The following SDK1 variants were observed in gnomAD, a reference collection of about 807,000 sequenced individuals.
SDK1 encodes sidekick cell adhesion molecule 1.
Under a neutral mutation model 245.5 loss-of-function variants are expected in SDK1, and 157 were observed. That is an observed-to-expected ratio of 0.64 (90% CI 0.56 to 0.73). The LOEUF is 0.73. Ranked by LOEUF, SDK1 falls within the 30% of genes least tolerant of loss-of-function variation. SDK1 has a pLI of 0.00. For synonymous variants in SDK1, 1,647 were observed against 1,278.5 expected (o/e 1.29, Z -6.15); for missense variants, 3,583 against 3,002.3 (o/e 1.19, Z -4.52).
chr7:3,568,536 C>A (rs563534784), intron 1 of SDK1, among the ~76,000 whole-genome samples: 1 of 152,318 alleles, frequency 6.6e-6, no homozygotes, highest in African/African-American at 2.4e-5. Context: ...TTCCCTCCTT[C>A]CCCCTTGGTA....
chr7:4,218,101 C>G (rs1405735746), intron 38 of SDK1, among the ~76,000 whole-genome samples: 1 of 152,146 alleles, frequency 6.6e-6, no homozygotes, highest in Non-Finnish European at 1.5e-5. Flanking sequence ...TGGAGGGTCA[C>G]CCAAAAGTAG....
chr7:3,489,456 A>T lies in SDK1; in HGVS notation c.299-129624A>T, dbSNP rs184661103. On this transcript the variant is annotated intron_variant, in intron 1 of 44. Coordinates refer to ENST00000404826, the MANE Select transcript of SDK1 (RefSeq NM_152744.4). Reference sequence around the variant, plus strand: ...TCCTGTTAGTATATCAGATATATATATTTTTACCATTTTCTTTATAATTCA... The same window carrying T: ...TCCTGTTAGTATATCAGATATATATTTTTTTACCATTTTCTTTATAATTCA... Among the ~76,000 whole-genome samples the T allele has an allele frequency of 6.8e-4, 104 of 152,292 alleles. 1 individual carries two copies. Among genetic ancestry groups the T allele is most frequent in the South Asian group, 1.5e-3 (7 of 4,816 alleles).
At chr7:3,653,675 C>A (rs1333343833) in intron 4 of SDK1, among the ~76,000 whole-genome samples, 1 of 152,108 alleles carries the variant, frequency 6.6e-6, no homozygotes, top group South Asian at 2.1e-4. Context: ...CTCAGAGGAA[C>A]TGGGATTTGG....
At chr7:3,672,590 T>G (rs945847709) in intron 4 of SDK1, among the ~76,000 whole-genome samples, 2 of 141,184 alleles carry the variant, frequency 1.4e-5, no homozygotes, top group Non-Finnish European at 3.0e-5. Context: ...GAAATATATA[T>G]ATATAATATA....
chr7:3,312,871 C>T (rs114662830), intron 1 of SDK1, among the ~76,000 whole-genome samples: 2,449 of 152,194 alleles, frequency 0.016, 59 homozygotes, highest in African/African-American at 0.05. Flanking sequence ...TCTGCCTGAG[C>T]TCTTAGTTTC....
intron 4 of SDK1, among the ~76,000 whole-genome samples, chr7:3,648,376 A>G (rs896060945): frequency 6.6e-6 from 1 of 152,214 alleles, no homozygotes; most frequent in Admixed American, 6.5e-5. Flanking sequence ...ATGTGCAAGC[A>G]CAAGTATTCT....
intron 17 of SDK1, among the ~76,000 whole-genome samples, chr7:4,038,125 G>A (rs1315225192): frequency 6.6e-6 from 1 of 152,166 alleles, no homozygotes; most frequent in Non-Finnish European, 1.5e-5. Flanking sequence ...GGGTCATCCT[G>A]TGGCTAACGG....
intron 1 of SDK1, among the ~76,000 whole-genome samples, chr7:3,555,868 A>G (rs1379843572): frequency 6.6e-6 from 1 of 152,218 alleles, no homozygotes. Flanking sequence ...ACAACAAGGT[A>G]TCATCTCACT....
At chr7:3,691,644 A>C (rs1338673155) in intron 4 of SDK1, among the ~76,000 whole-genome samples, 2 of 142,562 alleles carry the variant, frequency 1.4e-5, no homozygotes, top group Non-Finnish European at 3.1e-5. Flanking sequence ...AACTGATATT[A>C]TTGATTTTTC....
rs1162979240 is a variant in SDK1 at position 4,005,039 on chromosome 7, C to CTTTTTTT, written c.2132-5908_2132-5902dup. Reference sequence around the variant, plus strand: ...TCTGGTGTTTAATTGGTTCCTGCACCTTTTTTTTTTTTTTTTTTTTTTTTT... The same window carrying CTTTTTTT: ...TCTGGTGTTTAATTGGTTCCTGCACCTTTTTTTTTTTTTTTTTTTTTTTTTTTTTTTT... On this transcript the variant is annotated intron_variant, in intron 14 of 44. Coordinates refer to ENST00000404826, the MANE Select transcript of SDK1 (RefSeq NM_152744.4). 6.6e-4 allele frequency among the ~76,000 whole-genome samples: 60 copies of CTTTTTTT among 91,000 alleles called. 3 individuals are homozygous for CTTTTTTT. Among genetic ancestry groups the CTTTTTTT allele is most frequent in the African/African-American group, 2.0e-3 (44 of 21,766 alleles). 59.7% of individuals were successfully genotyped at this position (91,000 alleles called of 152,430 possible).
At chr7:3,383,243 T>G (rs1781532996) in intron 1 of SDK1, among the ~76,000 whole-genome samples, 1 of 152,146 alleles carries the variant, frequency 6.6e-6, no homozygotes, top group African/African-American at 2.4e-5. Context: ...ACCCTGTCAC[T>G]ACCAAAACAT....
chr7:3,345,499 G>C (rs960642411), intron 1 of SDK1, among the ~76,000 whole-genome samples: 16 of 152,096 alleles, frequency 1.1e-4, no homozygotes, highest in Non-Finnish European at 2.9e-5. Context: ...CTTACAATAA[G>C]CATGATTTGC....
rs766625515 is a variant in SDK1, at chr7:3,967,432, G to C, written c.1544G>C (p.Arg515Thr). Residue 515 changes from arginine (R) to threonine (T), a missense_variant and splice_region_variant, in exon 10 of 45, where the codon AGA (arginine) becomes ACA (threonine). Arg to Thr is a moderately conservative substitution (Grantham distance 71). Coordinates refer to ENST00000404826, the MANE Select transcript of SDK1 (RefSeq NM_152744.4). ...GAPKPAITWK[R>T]ENHILASGSV... ...CCCAAACCCGCCATCACCTGGAAAA[G>C]AGGTGGGTAGCATCCACTGCCCACA... 1.3e-6 allele frequency: 2 copies of C among 1,599,558 alleles called. No individual in the cohort carries two copies. The highest frequency in any genetic ancestry group is 2.2e-5 in the South Asian group (2 of 90,798).
At chr7:4,122,214 G>A (rs904911494) in intron 25 of SDK1, among the ~76,000 whole-genome samples, 1 of 152,152 alleles carries the variant, frequency 6.6e-6, no homozygotes, top group Non-Finnish European at 1.5e-5. Context: ...GACTGGCAAG[G>A]CCCTCCCAGG....
At chr7:3,595,282 A>G (rs946236320) in intron 1 of SDK1, among the ~76,000 whole-genome samples, 1 of 151,946 alleles carries the variant, frequency 6.6e-6, no homozygotes, top group African/African-American at 2.4e-5. Flanking sequence ...TCGTAACTTT[A>G]TGATATTTTG....
At chr7:3,818,616 G>C (rs1357677457) in intron 4 of SDK1, among the ~76,000 whole-genome samples, 1 of 152,156 alleles carries the variant, frequency 6.6e-6, no homozygotes, top group South Asian at 2.1e-4. Flanking sequence ...ATCTGTATTG[G>C]AGTGTTTTGA....
intron 1 of SDK1, among the ~76,000 whole-genome samples, chr7:3,372,335 A>G (rs1781249034): frequency 6.6e-6 from 1 of 152,216 alleles, no homozygotes; most frequent in African/African-American, 2.4e-5. Context: ...GGGTCATCCA[A>G]CAGAAAATGT....
intron 1 of SDK1, among the ~76,000 whole-genome samples, chr7:3,431,879 T>C (rs569421006): frequency 1.4e-4 from 21 of 152,162 alleles, no homozygotes; most frequent in African/African-American, 5.1e-4. Context: ...TTTTTTTAAA[T>C]GGCTGAAGCC....
At chr7:3,541,563 T>TA (rs1437106145) in intron 1 of SDK1, among the ~76,000 whole-genome samples, 1 of 152,228 alleles carries the variant, frequency 6.6e-6, no homozygotes, top group Non-Finnish European at 1.5e-5. Context: ...AAGACCTTCT[T>TA]ACCACTGTAC....
Sources: gnomAD v4.1 joint callset for allele counts (sites outside exome capture counted in the v4.1 genomes callset) on GRCh38, gnomAD v4.1.1 for gene constraint, MANE v1.5 for transcripts, NCBI Gene and HGNC (gene_info 2026-07-23, HGNC 2026-07-21) for gene names.